The following LRP2 variants were observed in gnomAD, a reference collection of about 807,000 sequenced individuals.
LRP2 encodes LDL receptor related protein 2, also known as low-density lipoprotein receptor-related protein 2.
LRP2 carries 172 observed loss-of-function variants against 531.0 expected under a neutral mutation model. The observed-to-expected ratio is 0.32, with a 90% CI of 0.29 to 0.37. The LOEUF is 0.37. Ranked by LOEUF, LRP2 falls within the 10% of genes least tolerant of loss-of-function variation. The probability of loss-of-function intolerance (pLI) is 1.00; values close to 1 mark genes in which losing one functional copy is unlikely to be tolerated. For synonymous variants in LRP2, 1,992 were observed against 2,027.6 expected (o/e 0.98, Z 0.47); for missense variants, 5,167 against 5,868.3 (o/e 0.88, Z 3.90).
At chr2:169,304,309 C>G (rs1320695039) in intron 4 of LRP2, among the ~76,000 whole-genome samples, 1 of 152,162 alleles carries the variant, frequency 6.6e-6, no homozygotes, top group East Asian at 1.9e-4. Flanking sequence ...GAAGAGCAAT[C>G]ACCAGACTTG....
intron 1 of LRP2, among the ~76,000 whole-genome samples, chr2:169,355,172 G>A (rs1315336127): frequency 1.3e-5 from 2 of 152,098 alleles, no homozygotes. Flanking sequence ...TCTTTCTCCT[G>A]TTCTCCTTCT....
intron 9 of LRP2, among the ~76,000 whole-genome samples, chr2:169,286,492 G>A (rs1393160677): frequency 6.6e-6 from 1 of 152,168 alleles, no homozygotes; most frequent in Admixed American, 6.5e-5. Flanking sequence ...TTCACTAGTA[G>A]GTTAAATGCA....
intron 2 of LRP2, among the ~76,000 whole-genome samples, chr2:169,320,139 C>T (rs894670117): frequency 3.3e-5 from 5 of 152,216 alleles, no homozygotes; most frequent in Middle Eastern, 3.4e-3. Flanking sequence ...TTAACTTCTC[C>T]GAGTCTCAAT....
intron 34 of LRP2, among the ~76,000 whole-genome samples, chr2:169,217,045 C>T (rs1026867607): frequency 3.3e-5 from 5 of 152,026 alleles, no homozygotes; most frequent in East Asian, 1.9e-4. Context: ...TATTTCACAG[C>T]GATCAGGTAC....
chr2:169,246,826 TG>T lies in LRP2; in HGVS notation c.3068del (p.Thr1023LysfsTer163). On this transcript the variant is annotated frameshift_variant, in exon 21 of 79. Transcript: ENST00000649046. LOFTEE classifies it high-confidence loss of function. Reference protein sequence around the residue: ...CEGDPTNEPPTEQCGLFSFPC... With the variant: ...CEGDPTNEPPXEQCGLFSFPC... ...GGAAGGAAAATAAGCCACACTGCTC[TG>T]TGGGTGGTTCATTGGTTGGGTCCCC... 1 of 1,613,874 alleles carries T rather than the reference TG, an allele frequency of 6.2e-7. No homozygotes were observed. Among genetic ancestry groups the T allele is most frequent in the Non-Finnish European group, 8.5e-7 (1 of 1,179,938 alleles).
chr2:169,237,596 A>G (rs1689652698), intron 27 of LRP2, among the ~76,000 whole-genome samples: 1 of 152,220 alleles, frequency 6.6e-6, no homozygotes, highest in African/African-American at 2.4e-5. Flanking sequence ...AGTTGGCAAC[A>G]TTACAAAATG....
At chr2:169,219,021 C>T (rs757620554) in intron 34 of LRP2, among the ~76,000 whole-genome samples, 1 of 152,178 alleles carries the variant, frequency 6.6e-6, no homozygotes, top group Admixed American at 6.5e-5. Context: ...AACTAACACA[C>T]CACCCAACAA....
intron 66 of LRP2, 48 bp from the exon 67 acceptor site, chr2:169,153,012 A>G: frequency 6.3e-7 from 1 of 1,582,936 alleles, no homozygotes; most frequent in South Asian, 1.1e-5. Flanking sequence ...AGCATCAAGT[A>G]AAGGAAGAAC....
intron 4 of LRP2, 46 bp downstream of exon 4, chr2:169,307,235 G>C: frequency 7.9e-7 from 1 of 1,268,104 alleles, no homozygotes; most frequent in Non-Finnish European, 1.2e-6. Context: ...ATGCCAAAGG[G>C]ACAAGGGTGA....
At chr2:169,327,744 CGGGA>C (rs1685132563) in intron 1 of LRP2, among the ~76,000 whole-genome samples, 1 of 121,412 alleles carries the variant, frequency 8.2e-6, no homozygotes, top group South Asian at 3.0e-4. Flanking sequence ...CCGCCCCGTC[CGGGA>C]GGGAGGTGGG....
Position 169,156,338 on chromosome 2 carries a change from C to T in LRP2, c.12087G>A (p.Glu4029=), listed in dbSNP as rs1438949593. 1 of 1,613,708 alleles carries T rather than the reference C, an allele frequency of 6.2e-7. No homozygotes were observed. Among genetic ancestry groups the T allele is most frequent in the Non-Finnish European group, 8.5e-7 (1 of 1,179,704 alleles). ...QHCRNTKGSY[E]CVCADGFTSM... is the part of the protein sequence containing the mutation. ...ACGTGAAGCCATCAGCACAGACACA[C>T]TCATAACTTCCTTTGGTATTTCTGC... Residue 4029 remains glutamate, a synonymous_variant, in exon 65 of 79, where the codon GAG becomes GAA. Transcript: ENST00000649046.
At chr2:169,218,913 C>T (rs556687534) in intron 34 of LRP2, among the ~76,000 whole-genome samples, 3 of 152,248 alleles carry the variant, frequency 2.0e-5, no homozygotes, top group Admixed American at 6.5e-5. Context: ...CCATCTTCTG[C>T]CCAAACCCCA....
chr2:169,226,567 G>C lies in LRP2; in HGVS notation c.5249C>G (p.Thr1750Ser). 9.3e-6 allele frequency: 15 copies of C among 1,611,932 alleles called. No homozygotes were observed. Among genetic ancestry groups the C allele is most frequent in the Non-Finnish European group, 1.3e-5 (15 of 1,178,276 alleles). The change falls in exon 32 of 79, where the codon ACT becomes AGT. Residue 1750 changes from threonine (T) to serine (S), a missense_variant. Around this residue, in one of 6 missense-constraint regions of LRP2, gnomAD observed 2,811 missense variants for 3,058.0 expected, o/e 0.92. Transcript: ENST00000649046. ...TCCAAAAATTATATGTTGCCTTACA[G>C]TTATTAAGAAAGGTTGATCATCTGT... ...CLRDDQPFLI[T>S]VRQHIIFGIS...
chr2:169,136,906 A>G (rs1404588147), intron 76 of LRP2, among the ~76,000 whole-genome samples: 1 of 152,216 alleles, frequency 6.6e-6, no homozygotes, highest in African/African-American at 2.4e-5. Flanking sequence ...AAGTATGGCA[A>G]CAGCAAGCAT....
rs115202505 is a variant in LRP2, at chr2:169,181,240, C to T, written c.10169+208G>A. 6.7e-3 allele frequency among the ~76,000 whole-genome samples: 1,018 copies of T among 152,202 alleles called. 8 individuals carry two copies. Among genetic ancestry groups the T allele is most frequent in the African/African-American group, 0.024 (976 of 41,516 alleles). On this transcript the variant is annotated intron_variant, in intron 52 of 78. Transcript: ENST00000649046. ...AAGTGAAAACATCAGGTCATAAACC[C>T]TGATCCATATGATTTAAAAGTTCAC...
At chr2:169,308,194 T>G (rs1471436740) in intron 3 of LRP2, among the ~76,000 whole-genome samples, 1 of 152,102 alleles carries the variant, frequency 6.6e-6, no homozygotes, top group Admixed American at 6.5e-5. Flanking sequence ...CTCTCAATTT[T>G]TACAAAACTT....
chr2:169,177,068 C>T (rs1574100071), intron 53 of LRP2, among the ~76,000 whole-genome samples: 1 of 152,284 alleles, frequency 6.6e-6, no homozygotes, highest in East Asian at 1.9e-4. Flanking sequence ...GCTTGAACTT[C>T]TAATAAAAAT....
chr2:169,338,035 A>T (rs1685452758), intron 1 of LRP2, among the ~76,000 whole-genome samples: 1 of 152,010 alleles, frequency 6.6e-6, no homozygotes, highest in South Asian at 2.1e-4. Flanking sequence ...TGCGCCCGGG[A>T]GTTTGAAGCT....
At chr2:169,292,522 A>T (rs1013800021) in intron 6 of LRP2, among the ~76,000 whole-genome samples, 153 bp from the exon 7 acceptor site, 1 of 149,258 alleles carries the variant, frequency 6.7e-6, no homozygotes. Flanking sequence ...TTTAAAAAGG[A>T]GGAAAAAAAA....
Sources: allele counts gnomAD v4.1 joint callset (sites outside exome capture counted in the v4.1 genomes callset), GRCh38; gene constraint gnomAD v4.1.1; regional missense constraint gnomAD v4.1.1; transcripts MANE v1.5; gene names NCBI Gene and HGNC (gene_info 2026-07-23, HGNC 2026-07-21).